The following ASTN2 variants were observed in gnomAD, a reference collection of about 807,000 sequenced individuals.
ASTN2 encodes the protein astrotactin 2, also known as astrotactin-2.
A neutral mutation model predicts 139.8 loss-of-function variants in ASTN2; 54 were observed. That is an observed-to-expected ratio of 0.39 (90% confidence interval 0.31 to 0.48). The LOEUF is 0.48. Among genes scored for constraint, ASTN2 ranks in the 20% least tolerant of loss-of-function variants. The pLI, the probability that ASTN2 is intolerant of heterozygous loss-of-function variation, is 0.95. For synonymous variants in ASTN2, 756 were observed against 719.5 expected (o/e 1.05, Z -0.81); for missense variants, 1,565 against 1,725.1 (o/e 0.91, Z 1.64).
At chr9:116,467,126 T>C (rs1848669690) in intron 20 of ASTN2, among the ~76,000 whole-genome samples, 1 of 152,130 alleles carries the variant, frequency 6.6e-6, no homozygotes, top group Non-Finnish European at 1.5e-5. Flanking sequence ...TGTGTTTCTT[T>C]CTTTCTGAGA....
chr9:116,587,346 TA>T (rs1373615741), intron 19 of ASTN2, among the ~76,000 whole-genome samples: 19 of 126,228 alleles, frequency 1.5e-4, no homozygotes, highest in Middle Eastern at 4.2e-3. Flanking sequence ...ATCTCAAATT[TA>T]AAAAAAAAAA....
At chr9:117,263,199 T>C (rs1234876845) in intron 2 of ASTN2, among the ~76,000 whole-genome samples, 1 of 152,160 alleles carries the variant, frequency 6.6e-6, no homozygotes, top group Non-Finnish European at 1.5e-5. Context: ...TTTTTCTCTC[T>C]TTTTCCCTAA....
At chr9:117,208,582 A>C (rs532399391) in intron 3 of ASTN2, among the ~76,000 whole-genome samples, 19 of 152,202 alleles carry the variant, frequency 1.2e-4, no homozygotes, top group Non-Finnish European at 2.2e-4. Context: ...ATTTAATGAA[A>C]TAATAGCAAA....
Position 116,686,814 on chromosome 9 carries a change from T to C in ASTN2, c.2807-35021A>G, listed in dbSNP as rs1201053913. On this transcript the variant is annotated intron_variant, in intron 16 of 22. Transcript: ENST00000313400. ...CAGAGCAATGTGTTCATGGATAAAC[T>C]TGTCTCTAGTGCAGCTCTCTGTCAG... is the stretch of plus-strand genomic sequence containing the variant. The C allele has an allele frequency of 1.6e-5, 25 of 1,550,516 alleles. No individual in the cohort carries two copies. The East Asian group carries it at 5.6e-4, about 35-fold the overall frequency.
intron 10 of ASTN2, among the ~76,000 whole-genome samples, chr9:116,953,128 C>A (rs1835611918): frequency 6.6e-6 from 1 of 152,152 alleles, no homozygotes; most frequent in Non-Finnish European, 1.5e-5. Flanking sequence ...ACTCCCCCAC[C>A]CACTGAGGCA....
chr9:116,513,461 A>G (rs1480671434), intron 19 of ASTN2, among the ~76,000 whole-genome samples: 2 of 151,978 alleles, frequency 1.3e-5, no homozygotes, highest in Admixed American at 6.6e-5. Flanking sequence ...ACTTTGGTGA[A>G]TCTGATAATT....
chr9:117,357,400 C>G (rs889068659), intron 1 of ASTN2, among the ~76,000 whole-genome samples: 1 of 152,056 alleles, frequency 6.6e-6, no homozygotes, highest in African/African-American at 2.4e-5. Context: ...AGATTATCAC[C>G]GTGGCCACTG....
chr9:116,927,639 C>A (rs1446453635), intron 10 of ASTN2, among the ~76,000 whole-genome samples: 1 of 152,288 alleles, frequency 6.6e-6, no homozygotes, highest in East Asian at 1.9e-4. Context: ...TTGACACTTG[C>A]GGACTCCCAA....
intron 11 of ASTN2, among the ~76,000 whole-genome samples, chr9:116,847,571 C>A (rs935580668): frequency 6.6e-6 from 1 of 152,178 alleles, no homozygotes; most frequent in Non-Finnish European, 1.5e-5. Flanking sequence ...TAATAGCTAA[C>A]ACTTAATGGC....
At chr9:116,718,994 GC>G (rs1828400797) in intron 16 of ASTN2, among the ~76,000 whole-genome samples, 1 of 35,320 alleles carries the variant, frequency 2.8e-5, no homozygotes, top group African/African-American at 1.1e-4. Context: ...ATATATATCT[GC>G]CTATAAGTCT....
intron 3 of ASTN2, among the ~76,000 whole-genome samples, chr9:117,200,839 T>A (rs1831686131): frequency 6.6e-6 from 1 of 152,142 alleles, no homozygotes; most frequent in Non-Finnish European, 1.5e-5. Context: ...TTGTTGTGTC[T>A]CTTCCCAGTT....
intron 11 of ASTN2, 129 bp downstream of exon 11, chr9:116,863,454 G>A: frequency 8.4e-7 from 1 of 1,192,908 alleles, no homozygotes; most frequent in East Asian, 2.6e-5. Context: ...CATACTGAAG[G>A]CCGCAGAGGC....
intron 17 of ASTN2, among the ~76,000 whole-genome samples, chr9:116,628,646 G>C (rs900994013): frequency 2.6e-5 from 4 of 152,172 alleles, no homozygotes; most frequent in Admixed American, 6.5e-5. Flanking sequence ...ATAAGATACT[G>C]GTGTATACAT....
chr9:116,881,898 G>A (rs767468733), intron 10 of ASTN2, among the ~76,000 whole-genome samples: 11 of 151,830 alleles, frequency 7.2e-5, no homozygotes, highest in Non-Finnish European at 1.6e-4. Flanking sequence ...ATGTTTCGAA[G>A]CATCAAGAAT....
At chr9:116,552,014 C>CATACACATATACATAT (rs542965606) in intron 19 of ASTN2, 3 of 151,842 alleles carry the variant, frequency 2.0e-5, no homozygotes, top group Admixed American at 1.3e-4. Flanking sequence ...CATATACATA[C>CATACACATATACATAT]ACATATACAT....
chr9:116,839,543 G>C (rs898212493), intron 11 of ASTN2, among the ~76,000 whole-genome samples: 1 of 151,942 alleles, frequency 6.6e-6, no homozygotes, highest in Non-Finnish European at 1.5e-5. Context: ...GCAGTGGCAC[G>C]ATCTTGGCTC....
chr9:117,346,077 C>A (rs1261068246), intron 1 of ASTN2, among the ~76,000 whole-genome samples: 1 of 149,564 alleles, frequency 6.7e-6, no homozygotes, highest in East Asian at 2.1e-4. Flanking sequence ...ATTGTCTAAC[C>A]CTCAGTGGAG....
intron 13 of ASTN2, among the ~76,000 whole-genome samples, chr9:116,787,216 T>C (rs1227177910): frequency 6.6e-6 from 1 of 152,224 alleles, no homozygotes; most frequent in Non-Finnish European, 1.5e-5. Context: ...CAAGATGCTC[T>C]TAAGCTTCCC....
At chr9:116,949,082 C>T in intron 10 of ASTN2, among the ~76,000 whole-genome samples, 1 of 151,940 alleles carries the variant, frequency 6.6e-6, no homozygotes, top group Non-Finnish European at 1.5e-5. Flanking sequence ...AGCCACCATG[C>T]CTGGCTTCTT....
Sources: gnomAD v4.1 joint callset for allele counts (sites outside exome capture counted in the v4.1 genomes callset) on GRCh38, gnomAD v4.1.1 for gene constraint, MANE v1.5 for transcripts, NCBI Gene and HGNC (gene_info 2026-07-23, HGNC 2026-07-21) for gene names.